FRMD4A: variants seen among roughly 807,000 people sequenced by gnomAD.
FRMD4A encodes FERM domain containing 4A.
FRMD4A carries 29 observed loss-of-function variants against 129.1 expected under a neutral mutation model. The ratio of observed to expected loss-of-function variants is 0.22; its 90% CI spans 0.17 to 0.31. The LOEUF (loss-of-function observed/expected upper bound fraction) is 0.31. Among genes scored for constraint, FRMD4A ranks in the 10% least tolerant of loss-of-function variants. The pLI is 1.00. For missense variants in FRMD4A, 1,272 were observed against 1,375.8 expected (o/e 0.92, Z 1.19); for synonymous variants, 634 against 571.6 (o/e 1.11, Z -1.56).
In FRMD4A at chr10:13,710,941, G is replaced by A. The variant is rs376091625; in HGVS notation, c.760-3828C>T. Among the ~76,000 whole-genome samples, 16 of 152,298 alleles carry A rather than the reference G, an allele frequency of 1.1e-4. No homozygotes were observed. In the East Asian group the frequency reaches 2.1e-3, roughly 20 times the overall value. ...AGACAAGAGAATCACTAGAACCCGGGAGGCAGAGGTTGCAGTGAGCCAGGA... is the reference window on the plus strand; with the variant it reads ...AGACAAGAGAATCACTAGAACCCGGAAGGCAGAGGTTGCAGTGAGCCAGGA... On this transcript the variant is annotated intron_variant, in intron 12 of 24. Coordinates refer to ENST00000357447, the MANE Select transcript of FRMD4A (RefSeq NM_018027.5).
At chr10:13,790,557 G>C (rs1309511557) in intron 5 of FRMD4A, among the ~76,000 whole-genome samples, 1 of 152,206 alleles carries the variant, frequency 6.6e-6, no homozygotes, top group East Asian at 1.9e-4. Context: ...ACAAAGAGGA[G>C]GTGGCCCAGG....
intron 24 of FRMD4A, among the ~76,000 whole-genome samples, chr10:13,650,161 T>C (rs1380638816): frequency 6.6e-6 from 1 of 152,244 alleles, no homozygotes; most frequent in Non-Finnish European, 1.5e-5. Context: ...GGTTTATAAC[T>C]GCTTGGCATA....
At chr10:14,103,538 G>C (rs1837420424) in intron 2 of FRMD4A, among the ~76,000 whole-genome samples, 2 of 152,086 alleles carry the variant, frequency 1.3e-5, no homozygotes, top group Non-Finnish European at 2.9e-5. Context: ...CCTGCAGACT[G>C]TTTTTGTCGC....
At chr10:13,962,035 ACACG>A (rs373185550) in intron 2 of FRMD4A, among the ~76,000 whole-genome samples, 1,723 of 127,654 alleles carry the variant, frequency 0.013, 33 homozygotes, top group African/African-American at 0.042. Flanking sequence ...GAACAAAAAC[ACACG>A]AATGAATGAA....
At position 13,656,712 on chromosome 10, in the gene FRMD4A, G is replaced by A. The variant is rs2082180637; in HGVS notation, c.2877C>T (p.Tyr959=). ...SSTSSDSGSQ[Y]STSSQSTFVA... ...CGAAGGTGCTCTGGGAGGAGGTGCT[G>A]TACTGCGAGCCGCTGTCCGAGGAGG... The change falls in exon 22 of 25, where the codon TAC becomes TAT. Residue 959 remains tyrosine, a synonymous_variant. Coordinates refer to ENST00000357447, the MANE Select transcript of FRMD4A (RefSeq NM_018027.5). 2 of 1,586,684 alleles carry A rather than the reference G, an allele frequency of 1.3e-6. No homozygotes were observed. Among genetic ancestry groups the A allele is most frequent in the South Asian group, 1.1e-5 (1 of 87,442 alleles).
intron 2 of FRMD4A, among the ~76,000 whole-genome samples, chr10:14,162,980 G>A (rs1052947634): frequency 6.6e-6 from 1 of 152,132 alleles, no homozygotes; most frequent in Non-Finnish European, 1.5e-5. Flanking sequence ...TTCACATTAA[G>A]TTTGAAAGTA....
At chr10:13,666,911 C>CTTTT (rs10546068) in intron 17 of FRMD4A, among the ~76,000 whole-genome samples, 3,161 of 114,176 alleles carry the variant, frequency 0.028, 56 homozygotes, top group South Asian at 0.054. Context: ...CTTTTCTTTT[C>CTTTT]TTTTTTTTTT....
intron 2 of FRMD4A, among the ~76,000 whole-genome samples, chr10:14,253,436 T>A (rs980205996): frequency 1.3e-5 from 2 of 152,246 alleles, no homozygotes; most frequent in Non-Finnish European, 2.9e-5. Context: ...GTGGACTGAT[T>A]TCACAGGGTG....
intron 3 of FRMD4A, among the ~76,000 whole-genome samples, chr10:13,853,725 C>G (rs1250460471): frequency 6.9e-6 from 1 of 145,420 alleles, no homozygotes; most frequent in Non-Finnish European, 1.5e-5. Context: ...CCCAGCTACT[C>G]GGGAGGCTGA....
At chr10:13,687,372 GCT>G (rs1325819547) in intron 15 of FRMD4A, among the ~76,000 whole-genome samples, 3 of 152,274 alleles carry the variant, frequency 2.0e-5, no homozygotes, top group Admixed American at 6.5e-5. Flanking sequence ...CAAATCTCAG[GCT>G]CTGTCTCACT....
At chr10:13,708,860 C>T (rs1049401240) in intron 12 of FRMD4A, among the ~76,000 whole-genome samples, 11 of 152,346 alleles carry the variant, frequency 7.2e-5, no homozygotes, top group African/African-American at 2.6e-4. Context: ...CCAGAATGAA[C>T]AGGTTCCACG....
At chr10:13,919,726 T>A (rs1430165069) in intron 2 of FRMD4A, among the ~76,000 whole-genome samples, 1 of 151,966 alleles carries the variant, frequency 6.6e-6, no homozygotes, top group Non-Finnish European at 1.5e-5. Flanking sequence ...TCACTTGAGG[T>A]TAGGAGTTCG....
At chr10:14,005,248 T>G (rs1448172748) in intron 2 of FRMD4A, among the ~76,000 whole-genome samples, 1 of 152,140 alleles carries the variant, frequency 6.6e-6, no homozygotes, top group Non-Finnish European at 1.5e-5. Flanking sequence ...GGTCTCCATC[T>G]CCTGACCTCG....
intron 2 of FRMD4A, among the ~76,000 whole-genome samples, chr10:13,866,806 G>A (rs1262791146): frequency 6.6e-6 from 1 of 152,076 alleles, no homozygotes; most frequent in East Asian, 1.9e-4. Flanking sequence ...ACAAAAATTA[G>A]CTAGGTATGT....
intron 6 of FRMD4A, among the ~76,000 whole-genome samples, chr10:13,776,877 T>A (rs916265886): frequency 2.6e-5 from 4 of 152,204 alleles, no homozygotes; most frequent in Non-Finnish European, 5.9e-5. Context: ...CAGGGGGCTG[T>A]GTGGGTGGCA....
At chr10:13,824,970 C>T (rs949897386) in intron 3 of FRMD4A, among the ~76,000 whole-genome samples, 6 of 150,902 alleles carry the variant, frequency 4.0e-5, no homozygotes, top group Non-Finnish European at 8.8e-5. Context: ...AGGTTATATG[C>T]AAATGACATC....
intron 2 of FRMD4A, among the ~76,000 whole-genome samples, chr10:13,910,234 C>T (rs931251818): frequency 1.8e-4 from 27 of 152,206 alleles, no homozygotes; most frequent in African/African-American, 5.1e-4. Flanking sequence ...TTTGATGCTT[C>T]AATTTGATCT....
At chr10:14,132,818 G>A (rs147931378) in intron 2 of FRMD4A, among the ~76,000 whole-genome samples, 31 of 152,318 alleles carry the variant, frequency 2.0e-4, no homozygotes, top group African/African-American at 7.5e-4. Flanking sequence ...AGTCACACAC[G>A]ATGAATGGAG....
intron 2 of FRMD4A, among the ~76,000 whole-genome samples, chr10:13,989,805 A>G (rs1202798076): frequency 1.3e-5 from 2 of 152,086 alleles, no homozygotes; most frequent in African/African-American, 4.8e-5. Context: ...AATACAGGAC[A>G]CCCAGTTACA....
Sources: allele counts gnomAD v4.1 joint callset (sites outside exome capture counted in the v4.1 genomes callset), GRCh38; gene constraint gnomAD v4.1.1; transcripts MANE v1.5; gene names NCBI Gene and HGNC (gene_info 2026-07-23, HGNC 2026-07-21).